The following GFI1B variants were observed in gnomAD, a reference collection of about 807,000 sequenced individuals.
GFI1B encodes zinc finger protein Gfi-1b.
A neutral mutation model predicts 35.3 loss-of-function variants in GFI1B; 20 were observed. The ratio of observed to expected loss-of-function variants is 0.57; its 90% CI spans 0.40 to 0.82. GFI1B has a LOEUF of 0.82. Ranked by LOEUF, GFI1B falls within the 40% of genes least tolerant of loss-of-function variation. The pLI, the probability that GFI1B is intolerant of heterozygous loss-of-function variation, is 0.00. For missense variants in GFI1B, 430 were observed against 446.3 expected, an observed-to-expected ratio of 0.96 and a Z score of 0.33; for synonymous variants, 178 against 177.6, an observed-to-expected ratio of 1.00 and a Z score of -0.02.
intron 1 of GFI1B, among the ~76,000 whole-genome samples, chr9:132,972,054 C>T (rs1564528041): frequency 6.6e-6 from 1 of 151,636 alleles, no homozygotes; most frequent in Non-Finnish European, 1.5e-5. Context: ...GTGGGCAGAT[C>T]TCATGGATTT....
Position 132,963,271 on chromosome 9 carries a change from A to G in GFI1B, c.-700-9454A>G, listed in dbSNP as rs186817448. Reference sequence around the variant, plus strand: ...CTGAGGCGGGCAGATCACGAGGTCAAGAGTTCAAGACCAGCCTGGCCAACG... The same window carrying G: ...CTGAGGCGGGCAGATCACGAGGTCAGGAGTTCAAGACCAGCCTGGCCAACG... On this transcript the variant is annotated intron_variant, in intron 1 of 10. Transcript: ENST00000339463. 1.7e-3 allele frequency among the ~76,000 whole-genome samples: 256 copies of G among 151,420 alleles called. 1 individual carries two copies. The highest frequency in any genetic ancestry group is 5.2e-3 in the African/African-American group (215 of 41,262).
chr9:132,988,976 C>A, intron 4 of GFI1B, 85 bp from the exon 5 acceptor site: 1 of 1,324,380 alleles, frequency 7.6e-7, no homozygotes, highest in Non-Finnish European at 1.1e-6. Flanking sequence ...TTGGCCAGAG[C>A]TGGGCATGGA....
chr9:132,990,746 A>G (rs1564181101), intron 6 of GFI1B, 126 bp from the exon 7 acceptor site: 1 of 771,474 alleles, frequency 1.3e-6, no homozygotes, highest in East Asian at 2.7e-5. Flanking sequence ...AGTGAATGTG[A>G]GTTGGCCATG....
rs77329269 is a variant in GFI1B at position 132,988,323 on chromosome 9, C to T, written c.365C>T (p.Ala122Val). ...ATTYGHSYRQ[A>V]PSTMQSAFLE... Reference sequence around the variant, plus strand: ...ACCTATGGCCACAGCTACCGGCAGGCCCCCTCCACCATGCAGTCAGCCTTC... The same window carrying T: ...ACCTATGGCCACAGCTACCGGCAGGTCCCCTCCACCATGCAGTCAGCCTTC... Residue 122 changes from alanine (A) to valine (V), a missense_variant, in exon 4 of 7, where the codon GCC becomes GTC. By Grantham distance (64) the Ala-to-Val change is moderately conservative (BLOSUM62 0). Transcript: ENST00000372122. The T allele has an allele frequency of 1.2e-6, 2 of 1,613,494 alleles. No homozygotes were observed. Among genetic ancestry groups the T allele is most frequent in the African/African-American group, 2.7e-5 (2 of 74,936 alleles).
upstream of GFI1B, among the ~76,000 whole-genome samples, chr9:132,977,942 C>T (rs2132618608): frequency 6.6e-6 from 1 of 152,314 alleles, no homozygotes; most frequent in South Asian, 2.1e-4. Flanking sequence ...GTGCCTCTAC[C>T]CGCTCAAAGG....
At chr9:132,951,418 C>G in intron 1 of GFI1B, 1 of 152,222 alleles carries the variant, frequency 6.6e-6, no homozygotes, top group East Asian at 1.9e-4. Context: ...GACATTGGCC[C>G]GAGAACTCTT....
chr9:132,979,387 G>A (rs565754120), intron 1 of GFI1B, among the ~76,000 whole-genome samples: 2 of 151,642 alleles, frequency 1.3e-5, no homozygotes, highest in African/African-American at 2.4e-5. Context: ...TTACAGGCGC[G>A]TGTTACCACG....
At position 132,989,745 on chromosome 9, in the gene GFI1B, C is replaced by A. The variant is rs1016682120; in HGVS notation, c.652C>A (p.Arg218Ser). Residue 218 changes from arginine (R) to serine (S), a missense_variant, in exon 6 of 7, where the codon CGC becomes AGC. Arg to Ser is a moderately radical substitution (Grantham distance 110). Coordinates refer to ENST00000372122, the MANE Select transcript of GFI1B (RefSeq NM_001377304.1). The surrounding 1 kb of genome is among the most constrained non-coding windows in gnomAD (Gnocchi z 6.2). ...EQHTHVHSQE[R>S]SFECRMCGKA... ...GGGGCCTCATTTCCTCCGGCAGGAG[C>A]GCAGCTTCGAGTGCCGCATGTGCGG... is the stretch of plus-strand genomic sequence containing the variant. 10 of 1,613,502 alleles carry A rather than the reference C, an allele frequency of 6.2e-6. No homozygotes were observed. Among genetic ancestry groups the A allele is most frequent in the East Asian group, 2.2e-5 (1 of 44,892 alleles).
intron 1 of GFI1B, among the ~76,000 whole-genome samples, chr9:132,950,933 G>A (rs1056904040): frequency 2.6e-5 from 4 of 151,982 alleles, no homozygotes; most frequent in Admixed American, 6.6e-5. Flanking sequence ...GACCTCCCGG[G>A]CTCAGACCAT....
At chr9:132,963,888 C>A (rs921047253) in intron 1 of GFI1B, 3 of 152,124 alleles carry the variant, frequency 2.0e-5, no homozygotes, top group Non-Finnish European at 4.4e-5. Flanking sequence ...TTGTCAAGAA[C>A]CAAGATTTCC....
intron 1 of GFI1B, among the ~76,000 whole-genome samples, chr9:132,959,007 T>A (rs968970527): frequency 2.6e-5 from 4 of 152,096 alleles, no homozygotes; most frequent in Non-Finnish European, 5.9e-5. Context: ...GCAAACAAGA[T>A]GTGTGGTCCT....
At chr9:132,987,799 G>A (rs1034581648) in intron 3 of GFI1B, among the ~76,000 whole-genome samples, 5 of 152,134 alleles carry the variant, frequency 3.3e-5, no homozygotes, top group African/African-American at 9.7e-5. Context: ...TGAAGGTAGT[G>A]GTGTGTGGTA....
At chr9:132,987,540 A>G (rs1001785750) in intron 3 of GFI1B, 121 bp downstream of exon 3, 2 of 1,134,406 alleles carry the variant, frequency 1.8e-6, no homozygotes, top group Non-Finnish European at 2.6e-6. Context: ...AAGTCACTGG[A>G]TGCAGCCCGG....
At chr9:132,955,810 G>GCA in intron 1 of GFI1B, among the ~76,000 whole-genome samples, 2 of 79,014 alleles carry the variant, frequency 2.5e-5, no homozygotes, top group African/African-American at 5.9e-5. Flanking sequence ...GTGTGTGCAT[G>GCA]TGTGTGTGTG....
chr9:132,990,029 C>T, intron 6 of GFI1B, 122 bp downstream of exon 6: 1 of 835,318 alleles, frequency 1.2e-6, no homozygotes, highest in Non-Finnish European at 2.0e-6. Context: ...TCAAAGGCCA[C>T]TGCTGATGGA....
chr9:132,966,129 C>A (rs1848447255), intron 1 of GFI1B, among the ~76,000 whole-genome samples: 2 of 152,174 alleles, frequency 1.3e-5, no homozygotes. Flanking sequence ...GAGGTCAAGG[C>A]AGGAGAACCG....
chr9:132,965,654 T>C (rs957526034), intron 1 of GFI1B, among the ~76,000 whole-genome samples: 3 of 152,146 alleles, frequency 2.0e-5, no homozygotes, highest in Non-Finnish European at 4.4e-5. Context: ...GAGGCAGAGA[T>C]TGGAGTGGCG....
rs952211360 is a variant in GFI1B at position 132,979,161 on chromosome 9, G to T, written c.-21+320G>T. 7.7e-4 allele frequency among the ~76,000 whole-genome samples: 117 copies of T among 152,140 alleles called. 1 individual carries two copies. Among genetic ancestry groups the T allele is most frequent in the African/African-American group, 2.6e-3 (109 of 41,524 alleles). On this transcript the variant is annotated intron_variant, in intron 1 of 6. Coordinates refer to ENST00000372122, the MANE Select transcript of GFI1B (RefSeq NM_001377304.1). ...TCCTGGGGACCTGGGCAGTGCTCAGGGAGACACACTTCCAAGTGCCTGAGT... is the reference window on the plus strand; with the variant it reads ...TCCTGGGGACCTGGGCAGTGCTCAGTGAGACACACTTCCAAGTGCCTGAGT...
chr9:132,949,268 T>TACAC (rs36015720), intron 1 of GFI1B, among the ~76,000 whole-genome samples: 10,465 of 137,592 alleles, frequency 0.076, 457 homozygotes, highest in African/African-American at 0.1. Context: ...AACCCACAGA[T>TACAC]ACACACACAC....
Sources: gnomAD v4.1 joint callset for allele counts (sites outside exome capture counted in the v4.1 genomes callset) on GRCh38, gnomAD v4.1.1 for gene constraint, Gnocchi (gnomAD v3.1) non-coding constraint, MANE v1.5 for transcripts, NCBI Gene and HGNC (gene_info 2026-07-23, HGNC 2026-07-21) for gene names.